The following RBM15B variants were observed in gnomAD, a reference collection of about 807,000 sequenced individuals.
RBM15B encodes putative RNA-binding protein 15B.
Under a neutral mutation model 53.3 loss-of-function variants are expected in RBM15B, and 11 were observed. That is an observed-to-expected ratio of 0.21 (90% CI 0.13 to 0.34). The LOEUF is 0.34. RBM15B is among the 10% of genes least tolerant of loss of function. RBM15B has a pLI of 1.00. For missense variants in RBM15B, 1,136 were observed against 1,250.3 expected (o/e 0.91, Z 1.38); for synonymous variants, 631 against 540.7 (o/e 1.17, Z -2.32).
chr3:51,392,359 A>T lies in RBM15B; in HGVS notation c.960A>T (p.Pro320=). The change falls in exon 1 of 1, where the codon CCA becomes CCT. Residue 320 remains proline, a synonymous_variant. Transcript: ENST00000563281. This position sits in a 1 kb window ranked among gnomAD's most constrained non-coding sequence, Gnocchi z 7.5. ...YDDRGRPYGY[P]AVCEEDLMPE... ...ACCGTGGGCGCCCCTATGGCTACCCAGCTGTGTGTGAGGAGGACCTGATGC... is the reference window on the plus strand; with the variant it reads ...ACCGTGGGCGCCCCTATGGCTACCCTGCTGTGTGTGAGGAGGACCTGATGC... 5 of 1,613,820 alleles carry T rather than the reference A, an allele frequency of 3.1e-6. No homozygotes were observed. Among genetic ancestry groups the T allele is most frequent in the Non-Finnish European group, 4.2e-6 (5 of 1,180,012 alleles).
At position 51,395,648 on chromosome 3, in the gene RBM15B, C is replaced by T. The variant is rs555308767; in HGVS notation, c.*1576C>T. 5.6e-5 allele frequency: 23 copies of T among 410,708 alleles called. No individual in the cohort carries two copies. The highest frequency in any genetic ancestry group is 8.9e-5 in the Non-Finnish European group (20 of 224,988). 25.4% of individuals were successfully genotyped at this position (410,708 alleles called of 1,614,324 possible). A position where few individuals can be genotyped will look rare whatever the true frequency, so the allele number is the denominator to read the frequency against. ...ACCAGGAACTCCAGGTTCTGCTGGC[C>T]GTGGCATCCTCTCTCCAGGTCTGCT... is the stretch of plus-strand genomic sequence containing the variant. On this transcript the variant is annotated 3_prime_UTR_variant, in exon 1 of 1. Transcript: ENST00000563281.
Position 51,396,173 on chromosome 3 carries a change from G to GAATC in RBM15B, c.*2103_*2106dup. ...TGAAGCAGGTGCTCAGGACCCGGAA[G>GAATC]AATCATCTACCTCCCAGCTTTGTGA... On this transcript the variant is annotated 3_prime_UTR_variant, in exon 1 of 1. Coordinates refer to ENST00000563281, the MANE Select transcript of RBM15B (RefSeq NM_013286.5). 1 of 381,512 alleles carries GAATC rather than the reference G, an allele frequency of 2.6e-6. No homozygotes were observed. 23.6% of individuals were successfully genotyped at this position (381,512 alleles called of 1,614,324 possible).
Position 51,396,995 on chromosome 3 carries a change from G to A in RBM15B, c.*2923G>A, listed in dbSNP as rs1310735365. On this transcript the variant is annotated 3_prime_UTR_variant, in exon 1 of 1. Transcript: ENST00000563281. Reference sequence around the variant, plus strand: ...GACCAAGAAATACCTGTGTGACACAGACCCACTTCAGTGTGTACAGCAAAT... The same window carrying A: ...GACCAAGAAATACCTGTGTGACACAAACCCACTTCAGTGTGTACAGCAAAT... 3 of 167,060 alleles carry A rather than the reference G, an allele frequency of 1.8e-5. No homozygotes were observed. Among genetic ancestry groups the A allele is most frequent in the African/African-American group, 7.2e-5 (3 of 41,450 alleles). 10.3% of individuals were successfully genotyped at this position (167,060 alleles called of 1,614,324 possible). A position where few individuals can be genotyped will look rare whatever the true frequency, so the allele number is the denominator to read the frequency against.
chr3:51,391,804 G>A lies in RBM15B; in HGVS notation c.405G>A (p.Ala135=), dbSNP rs782472880. The change falls in exon 1 of 1, where the codon GCG becomes GCA. Residue 135 remains alanine (A), a synonymous_variant. Transcript: ENST00000563281. The surrounding 1 kb of genome is among the most constrained non-coding windows in gnomAD (Gnocchi z 4.5). The part of the protein sequence containing the change: ...EPACPGSSAA[A]PEYKTLLISS... Reference sequence around the variant, plus strand: ...CGTGTCCCGGCTCATCCGCGGCCGCGCCTGAGTACAAGACGTTGCTCATCA... The same window carrying A: ...CGTGTCCCGGCTCATCCGCGGCCGCACCTGAGTACAAGACGTTGCTCATCA... 8 of 1,594,224 alleles carry A rather than the reference G, an allele frequency of 5.0e-6. No homozygotes were observed. The South Asian group carries it at 8.8e-5, about 18-fold the overall frequency.
At position 51,393,667 on chromosome 3, in the gene RBM15B, T is replaced by A. The variant is rs782673280; in HGVS notation, c.2268T>A (p.Ser756=). The A allele has an allele frequency of 1.6e-5, 25 of 1,612,668 alleles. No individual in the cohort carries two copies. The highest frequency in any genetic ancestry group is 2.1e-5 in the Non-Finnish European group (25 of 1,179,320). Residue 756 remains serine, a synonymous_variant, in exon 1 of 1, where the codon TCT becomes TCA. Coordinates refer to ENST00000563281, the MANE Select transcript of RBM15B (RefSeq NM_013286.5). The surrounding 1 kb of genome is among the most constrained non-coding windows in gnomAD (Gnocchi z 5.6). ...VISSLLKDHT[S]GSKLTQLKIA... is the part of the protein sequence containing the mutation. ...GCAGTCTCCTCAAAGACCACACTTC[T>A]GGGAGCAAGCTGACCCAGCTGAAGA... is the stretch of plus-strand genomic sequence containing the variant.
rs1553622613 is a variant in RBM15B, at chr3:51,395,639, TCTG to T, written c.*1571_*1573del. The stretch of plus-strand genomic sequence containing the variant: ...TAGATGATAACCAGGAACTCCAGGT[TCTG>T]CTGGCCGTGGCATCCTCTCTCCAGG... On this transcript the variant is annotated 3_prime_UTR_variant, in exon 1 of 1. Transcript: ENST00000563281. 7.3e-6 allele frequency: 3 copies of T among 410,246 alleles called. No individual in the cohort carries two copies. Among genetic ancestry groups the T allele is most frequent in the African/African-American group, 6.2e-5 (3 of 48,584 alleles). The allele number at this position is 410,246 out of a possible 1,614,324, so 25.4% of individuals were successfully genotyped here. A position where few individuals can be genotyped will look rare whatever the true frequency, so the allele number is the denominator to read the frequency against.
chr3:51,396,179 T>TCTAC lies in RBM15B; in HGVS notation c.*2110_*2113dup. 2.7e-6 allele frequency: 1 copy of TCTAC among 377,016 alleles called. No homozygotes were observed. Among genetic ancestry groups the TCTAC allele is most frequent in the East Asian group, 4.0e-5 (1 of 24,962 alleles). 23.4% of individuals were successfully genotyped at this position (377,016 alleles called of 1,614,324 possible). A position where few individuals can be genotyped will look rare whatever the true frequency, so the allele number is the denominator to read the frequency against. The stretch of plus-strand genomic sequence containing the variant: ...AGGTGCTCAGGACCCGGAAGAATCA[T>TCTAC]CTACCTCCCAGCTTTGTGAGACAGA... On this transcript the variant is annotated 3_prime_UTR_variant, in exon 1 of 1. Transcript: ENST00000563281.
chr3:51,391,853 G>C lies in RBM15B; in HGVS notation c.454G>C (p.Ala152Pro). 1 of 1,603,084 alleles carries C rather than the reference G, an allele frequency of 6.2e-7. No individual in the cohort carries two copies. The highest frequency in any genetic ancestry group is 1.7e-5 in the Admixed American group (1 of 59,998). Residue 152 changes from alanine to proline, a missense_variant, in exon 1 of 1, where the codon GCC becomes CCC. Around this residue, in one of 7 missense-constraint regions of RBM15B, gnomAD observed 257 missense variants for 261.1 expected, o/e 0.98. Transcript: ENST00000563281. This position sits in a 1 kb window ranked among gnomAD's most constrained non-coding sequence, Gnocchi z 4.5. ...LISSLSPALPAEHLEDRLFHQ... is the reference protein window; with the variant it reads ...LISSLSPALPPEHLEDRLFHQ... Reference sequence around the variant, plus strand: ...CAGCAGCTTGAGCCCCGCGCTGCCCGCCGAGCACCTCGAGGACCGGCTCTT... The same window carrying C: ...CAGCAGCTTGAGCCCCGCGCTGCCCCCCGAGCACCTCGAGGACCGGCTCTT...
rs1193872143 is a variant in RBM15B, at chr3:51,393,481, G to C, written c.2082G>C (p.Glu694Asp). The change falls in exon 1 of 1, where the codon GAG becomes GAC. Residue 694 changes from glutamate to aspartate, a missense_variant. Glu to Asp is a conservative substitution (Grantham distance 45). Transcript: ENST00000563281. The surrounding 1 kb of genome is among the most constrained non-coding windows in gnomAD (Gnocchi z 5.6). Reference protein sequence around the residue: ...SERNHRTTEAEPKPLEEPKHE... With the variant: ...SERNHRTTEADPKPLEEPKHE... Reference sequence around the variant, plus strand: ...GCAATCACCGGACCACAGAGGCCGAGCCCAAGCCTCTGGAAGAGCCAAAAC... The same window carrying C: ...GCAATCACCGGACCACAGAGGCCGACCCCAAGCCTCTGGAAGAGCCAAAAC... The C allele has an allele frequency of 6.2e-7, 1 of 1,613,978 alleles. No individual in the cohort carries two copies. The highest frequency in any genetic ancestry group is 1.1e-5 in the South Asian group (1 of 91,084).
In RBM15B at chr3:51,393,592, C is replaced by T. The variant is rs782087496; in HGVS notation, c.2193C>T (p.Ser731=). 1.3e-5 allele frequency: 21 copies of T among 1,614,036 alleles called. No individual in the cohort carries two copies. The highest frequency in any genetic ancestry group is 1.7e-5 in the Non-Finnish European group (20 of 1,180,054). Residue 731 remains serine, a synonymous_variant, in exon 1 of 1, where the codon AGC becomes AGT. Coordinates refer to ENST00000563281, the MANE Select transcript of RBM15B (RefSeq NM_013286.5). This position sits in a 1 kb window ranked among gnomAD's most constrained non-coding sequence, Gnocchi z 5.6. ...ATGGGCTTCTGGTGTTGAAAAACAG[C>T]TGCTTCCCCACGTCTATGCATATCC... ...GWNGLLVLKN[S]CFPTSMHILE... is the part of the protein sequence containing the mutation.
chr3:51,391,474 G>A lies in RBM15B; in HGVS notation c.75G>A (p.Glu25=), dbSNP rs1191880602. Residue 25 remains glutamate (E), a synonymous_variant, in exon 1 of 1, where the codon GAG becomes GAA. Transcript: ENST00000563281. This position sits in a 1 kb window ranked among gnomAD's most constrained non-coding sequence, Gnocchi z 4.5. ...CATCGTCCGCCAAGCGTCCGCGGGAGCGCGAACGGGAGGCGGAGGCGGGCG... is the reference window on the plus strand; with the variant it reads ...CATCGTCCGCCAAGCGTCCGCGGGAACGCGAACGGGAGGCGGAGGCGGGCG... ...GSSSSAKRPR[E]REREAEAGGR... 5.7e-5 allele frequency: 71 copies of A among 1,248,570 alleles called. No individual in the cohort carries two copies. Among genetic ancestry groups the A allele is most frequent in the Admixed American group, 2.0e-4 (5 of 24,938 alleles). The allele number at this position is 1,248,570 out of a possible 1,614,324, so 77.3% of individuals were successfully genotyped here. A position where few individuals can be genotyped will look rare whatever the true frequency, so the allele number is the denominator to read the frequency against.
chr3:51,392,769 A>G lies in RBM15B; in HGVS notation c.1370A>G (p.Tyr457Cys). The G allele has an allele frequency of 6.2e-7, 1 of 1,614,180 alleles. No individual in the cohort carries two copies. The highest frequency in any genetic ancestry group is 8.5e-7 in the Non-Finnish European group (1 of 1,180,042). The change falls in exon 1 of 1, where the codon TAT becomes TGT. Residue 457 changes from tyrosine (Y) to cysteine (C), a missense_variant. By Grantham distance (194) the Tyr-to-Cys change is radical. Around this residue, in one of 7 missense-constraint regions of RBM15B, gnomAD observed 578 missense variants for 581.6 expected, o/e 0.99. Coordinates refer to ENST00000563281, the MANE Select transcript of RBM15B (RefSeq NM_013286.5). The surrounding 1 kb of genome is among the most constrained non-coding windows in gnomAD (Gnocchi z 7.5). ...CACGTCAAAGGAGATAGCTTTGCCT[A>G]TATTCAGTACGAGAGCTTGGACGCA... ...IDHVKGDSFA[Y>C]IQYESLDAAQ...
At position 51,391,747 on chromosome 3, in the gene RBM15B, G is replaced by GCCGCCTCCGCCA. The variant is rs1425228289; in HGVS notation, c.355_366dup (p.Pro119_Pro122dup). On this transcript the variant is annotated inframe_insertion, in exon 1 of 1. Transcript: ENST00000563281. The surrounding 1 kb of genome is among the most constrained non-coding windows in gnomAD (Gnocchi z 4.5). ...TGTCGCCCCGCGCGTCTCCTCTGCCGCCGCCTCCGCCACCGCCTGGGGCCG... is the reference window on the plus strand; with the variant it reads ...TGTCGCCCCGCGCGTCTCCTCTGCCGCCGCCTCCGCCACCGCCTCCGCCACCGCCTGGGGCCG... The GCCGCCTCCGCCA allele has an allele frequency of 6.5e-7, 1 of 1,543,524 alleles. No homozygotes were observed.
In RBM15B at chr3:51,392,834, G is replaced by T. The variant is rs1425381602; in HGVS notation, c.1435G>T (p.Gly479Cys). The T allele has an allele frequency of 3.1e-6, 5 of 1,613,956 alleles. No homozygotes were observed. The highest frequency in any genetic ancestry group is 2.2e-5 in the East Asian group (1 of 44,898). ...TGCTAAAATGAGGGGTTTTCCCTTG[G>T]GTGGACCAGACCGCAGGCTCCGCGT... ...ACAKMRGFPL[G>C]GPDRRLRVDF... The change falls in exon 1 of 1, where the codon GGT becomes TGT. Residue 479 changes from glycine to cysteine, a missense_variant. Transcript: ENST00000563281. This position sits in a 1 kb window ranked among gnomAD's most constrained non-coding sequence, Gnocchi z 7.5.
rs2089041319 is a variant in RBM15B at position 51,391,768 on chromosome 3, G to A, written c.369G>A (p.Gly123=). The A allele has an allele frequency of 2.5e-6, 4 of 1,581,260 alleles. No individual in the cohort carries two copies. The highest frequency in any genetic ancestry group is 1.1e-5 in the South Asian group (1 of 89,576). Reference sequence around the variant, plus strand: ...TGCCGCCGCCTCCGCCACCGCCTGGGGCCGAGCCCGCGTGTCCCGGCTCAT... The same window carrying A: ...TGCCGCCGCCTCCGCCACCGCCTGGAGCCGAGCCCGCGTGTCCCGGCTCAT... ...SPLPPPPPPP[G]AEPACPGSSA... The change falls in exon 1 of 1, where the codon GGG becomes GGA. Residue 123 remains glycine (G), a synonymous_variant. Coordinates refer to ENST00000563281, the MANE Select transcript of RBM15B (RefSeq NM_013286.5). The surrounding 1 kb of genome is among the most constrained non-coding windows in gnomAD (Gnocchi z 4.5).
rs1262793070 is a variant in RBM15B, at chr3:51,395,127, T to G, written c.*1055T>G. On this transcript the variant is annotated 3_prime_UTR_variant, in exon 1 of 1. Transcript: ENST00000563281. Reference sequence around the variant, plus strand: ...TACCTAGAGATTTGTGGGGGGATACTGAACCTCTAGACTGAAGTACTTACC... The same window carrying G: ...TACCTAGAGATTTGTGGGGGGATACGGAACCTCTAGACTGAAGTACTTACC... 2 of 167,174 alleles carry G rather than the reference T, an allele frequency of 1.2e-5. No individual in the cohort carries two copies. Among genetic ancestry groups the G allele is most frequent in the East Asian group, 3.8e-4 (2 of 5,196 alleles). The allele number at this position is 167,174 out of a possible 1,614,324, so 10.4% of individuals were successfully genotyped here.
rs1553621758 is a variant in RBM15B, at chr3:51,392,360, G to A, written c.961G>A (p.Ala321Thr). The A allele has an allele frequency of 3.7e-6, 6 of 1,613,922 alleles. No homozygotes were observed. Among genetic ancestry groups the A allele is most frequent in the Non-Finnish European group, 5.1e-6 (6 of 1,180,030 alleles). ...CCGTGGGCGCCCCTATGGCTACCCAGCTGTGTGTGAGGAGGACCTGATGCC... is the reference window on the plus strand; with the variant it reads ...CCGTGGGCGCCCCTATGGCTACCCAACTGTGTGTGAGGAGGACCTGATGCC... ...DDRGRPYGYP[A>T]VCEEDLMPED... Residue 321 changes from alanine to threonine, a missense_variant, in exon 1 of 1, where the codon GCT (alanine) becomes ACT (threonine). By Grantham distance (58) the Ala-to-Thr change is moderately conservative. This residue lies in a region of RBM15B where 204 missense variants were observed against 196.8 expected (regional missense o/e 1.04). Transcript: ENST00000563281. The surrounding 1 kb of genome is among the most constrained non-coding windows in gnomAD (Gnocchi z 7.5).
rs782469004 is a variant in RBM15B at position 51,392,800 on chromosome 3, G to C, written c.1401G>C (p.Gln467His). The change falls in exon 1 of 1, where the codon CAG becomes CAC. Residue 467 changes from glutamine to histidine, a missense_variant. By Grantham distance (24) the Gln-to-His change is conservative. Coordinates refer to ENST00000563281, the MANE Select transcript of RBM15B (RefSeq NM_013286.5). The surrounding 1 kb of genome is among the most constrained non-coding windows in gnomAD (Gnocchi z 7.5). The stretch of plus-strand genomic sequence containing the variant: ...AGTACGAGAGCTTGGACGCAGCCCA[G>C]GCCGCCTGTGCTAAAATGAGGGGTT... ...YIQYESLDAA[Q>H]AACAKMRGFP... The C allele has an allele frequency of 6.2e-7, 1 of 1,614,134 alleles. No homozygotes were observed. The highest frequency in any genetic ancestry group is 1.1e-5 in the South Asian group (1 of 91,088).
rs1396556401 is a variant in RBM15B, at chr3:51,397,118, CTT to C, written c.*3047_*3048del. On this transcript the variant is annotated 3_prime_UTR_variant, in exon 1 of 1. Transcript: ENST00000563281. Reference sequence around the variant, plus strand: ...TACTTCACAACCAAATTTGTCCCCTCTTCTCTCTGTTAAGGGAGAGAAGTCAC... The same window carrying C: ...TACTTCACAACCAAATTTGTCCCCTCCTCTCTGTTAAGGGAGAGAAGTCAC... The C allele has an allele frequency of 6.0e-6, 1 of 167,140 alleles. No individual in the cohort carries two copies. The highest frequency in any genetic ancestry group is 1.5e-5 in the Non-Finnish European group (1 of 68,142). 10.4% of individuals were successfully genotyped at this position (167,140 alleles called of 1,614,324 possible). A position where few individuals can be genotyped will look rare whatever the true frequency, so the allele number is the denominator to read the frequency against.
Sources: allele counts gnomAD v4.1 joint callset, GRCh38; gene constraint gnomAD v4.1.1; regional missense constraint gnomAD v4.1.1; non-coding constraint Gnocchi (gnomAD v3.1); transcripts MANE v1.5; gene names NCBI Gene and HGNC (gene_info 2026-07-23, HGNC 2026-07-21).